The following NLGN4Y variants were observed in gnomAD, a reference collection of about 807,000 sequenced individuals.
The protein encoded by NLGN4Y is neuroligin 4 Y-linked.
NLGN4Y carries 4 observed loss-of-function variants against 8.4 expected under a neutral mutation model. The ratio of observed to expected loss-of-function variants is 0.48; its 90% confidence interval spans 0.23 to 1.09. The LOEUF is 1.09. Ranked by LOEUF, NLGN4Y falls within the 50% of genes least tolerant of loss-of-function variation. NLGN4Y has a pLI of 0.19. For synonymous variants in NLGN4Y, 35 were observed against 75.6 expected, an observed-to-expected ratio of 0.46 and a Z score of 2.78; for missense variants, 90 against 192.3, an observed-to-expected ratio of 0.47 and a Z score of 3.15.
intron 2 of NLGN4Y, among the ~76,000 whole-genome samples, chrY:14,692,743 G>A: frequency 3.0e-5 from 1 of 33,582 alleles, no homozygotes; most frequent in Non-Finnish European, 7.4e-5. Flanking sequence ...TAGACGCTAA[G>A]TGCAATAATT....
chrY:14,598,479 C>T lies in NLGN4Y; in HGVS notation c.-111-23530C>T, dbSNP rs376398545. ...ATTGCCTGGGGCCAGCAGGGCTGGC[C>T]GGCTGCTCCGAGTGCGGGGCCAGCC... On this transcript the variant is annotated intron_variant, in intron 1 of 6. Coordinates refer to ENST00000684976, the MANE Select transcript of NLGN4Y (RefSeq NM_001365588.1). Among the ~76,000 whole-genome samples the T allele has an allele frequency of 4.8e-3, 160 of 33,597 alleles. No homozygotes were observed. In the South Asian group the frequency reaches 0.098, roughly 20 times the overall value. 90.1% of individuals were successfully genotyped at this position (33,597 alleles called of 37,273 possible).
intron 4 of NLGN4Y, among the ~76,000 whole-genome samples, chrY:14,732,215 A>C: frequency 3.0e-5 from 1 of 33,163 alleles, no homozygotes; most frequent in East Asian, 8.1e-4. Context: ...ATGTTGGAGC[A>C]TGGATTTCTG....
At chrY:14,690,925 T>A in intron 2 of NLGN4Y, among the ~76,000 whole-genome samples, 1 of 32,921 alleles carries the variant, frequency 3.0e-5, no homozygotes, top group Admixed American at 2.8e-4. Flanking sequence ...GTTTGAACAA[T>A]GGTGAAAAAT....
chrY:14,678,131 A>T (rs898618003), intron 2 of NLGN4Y, among the ~76,000 whole-genome samples: 1 of 33,691 alleles, frequency 3.0e-5, no homozygotes, highest in African/African-American at 1.1e-4. Flanking sequence ...GTTTGCCAAA[A>T]TACAGAATAT....
chrY:14,718,173 G>A, intron 2 of NLGN4Y, among the ~76,000 whole-genome samples: 1 of 34,058 alleles, frequency 2.9e-5, no homozygotes, highest in East Asian at 7.7e-4. Flanking sequence ...CACGCACTCA[G>A]CCAGGTCTGA....
chrY:14,748,546 G>T, intron 4 of NLGN4Y: 3 of 161,923 alleles, frequency 1.9e-5, no homozygotes, highest in African/African-American at 1.8e-4. Context: ...CAAGAAAGGG[G>T]CCCTCTATCC....
intron 1 of NLGN4Y, among the ~76,000 whole-genome samples, chrY:14,552,899 T>C (rs2080198845): frequency 1.2e-4 from 4 of 33,424 alleles, no homozygotes; most frequent in African/African-American, 4.7e-4. Flanking sequence ...CTATTCAACA[T>C]AGTATTGGAA....
At chrY:14,673,354 A>G (rs2150529485) in intron 2 of NLGN4Y, among the ~76,000 whole-genome samples, 15 of 33,440 alleles carry the variant, frequency 4.5e-4, no homozygotes, top group Admixed American at 2.5e-3. Flanking sequence ...CAAACCCATC[A>G]AAAAGTGGGT....
At chrY:14,528,722 A>C in intron 1 of NLGN4Y, among the ~76,000 whole-genome samples, 1 of 33,363 alleles carries the variant, frequency 3.0e-5, no homozygotes, top group African/African-American at 1.2e-4. Flanking sequence ...GGAAAAGAGT[A>C]ATCGTCCATA....
At chrY:14,693,265 C>T (rs933598645) in intron 2 of NLGN4Y, among the ~76,000 whole-genome samples, 11 of 32,937 alleles carry the variant, frequency 3.3e-4, no homozygotes, top group Non-Finnish European at 6.7e-4. Context: ...GAATATGTGA[C>T]AACCTGAACT....
chrY:14,800,256 A>G (rs2043026001), intron 4 of NLGN4Y, among the ~76,000 whole-genome samples: 1 of 33,136 alleles, frequency 3.0e-5, no homozygotes, highest in Non-Finnish European at 7.4e-5. Context: ...TAGGGAAGGC[A>G]ACAACAGTGA....
chrY:14,626,340 C>T (rs757112800), intron 2 of NLGN4Y, among the ~76,000 whole-genome samples: 48 of 33,075 alleles, frequency 1.5e-3, no homozygotes, highest in Middle Eastern at 0.014. Context: ...TTGTTGGTTC[C>T]TTCCGGAGTA....
chrY:14,835,532 G>C, intron 6 of NLGN4Y, among the ~76,000 whole-genome samples: 1 of 26,033 alleles, frequency 3.8e-5, no homozygotes, highest in East Asian at 1.0e-3. Context: ...GGAAGGAAGG[G>C]AGGAAGGAAG....
chrY:14,679,210 A>T, intron 2 of NLGN4Y, among the ~76,000 whole-genome samples: 3 of 32,761 alleles, frequency 9.2e-5, no homozygotes, highest in African/African-American at 3.6e-4. Context: ...CATTTTTGCC[A>T]TGTTGGCCAG....
intron 1 of NLGN4Y, among the ~76,000 whole-genome samples, chrY:14,548,931 A>G (rs2080181894): frequency 3.0e-5 from 1 of 33,049 alleles, no homozygotes; most frequent in Admixed American, 2.8e-4. Flanking sequence ...TTACTGGCCT[A>G]TGTAGCCTTG....
At chrY:14,524,976 T>G in intron 1 of NLGN4Y, 1 of 113,251 alleles carries the variant, frequency 8.8e-6, no homozygotes, top group Non-Finnish European at 1.9e-5. Flanking sequence ...GTGAGCCGAG[T>G]CGCGAGCTTT....
At chrY:14,626,315 G>T (rs2080527373) in intron 2 of NLGN4Y, among the ~76,000 whole-genome samples, 1 of 32,740 alleles carries the variant, frequency 3.1e-5, no homozygotes, top group Non-Finnish European at 7.5e-5. Flanking sequence ...GCTCTTAGAG[G>T]CAGCGCGTCT....
At chrY:14,758,602 C>T (rs1052833285) in intron 4 of NLGN4Y, among the ~76,000 whole-genome samples, 4 of 33,358 alleles carry the variant, frequency 1.2e-4, no homozygotes, top group Non-Finnish European at 2.2e-4. Flanking sequence ...GATAGACCAT[C>T]ATTTGGTCAT....
intron 4 of NLGN4Y, among the ~76,000 whole-genome samples, chrY:14,783,891 A>G (rs893671035): frequency 1.8e-4 from 6 of 34,236 alleles, no homozygotes; most frequent in African/African-American, 6.8e-4. Context: ...ACCACTATCA[A>G]TTCATCCCCA....
Sources: gnomAD v4.1 joint callset for allele counts (sites outside exome capture counted in the v4.1 genomes callset) on GRCh38, gnomAD v4.1.1 for gene constraint, MANE v1.5 for transcripts, NCBI Gene and HGNC (gene_info 2026-07-23, HGNC 2026-07-21) for gene names.